The following CERT1 variants were observed in gnomAD, a reference collection of about 807,000 sequenced individuals.
CERT1 encodes ceramide transfer protein.
A neutral mutation model predicts 87.9 loss-of-function variants in CERT1; 31 were observed. The observed-to-expected ratio is 0.35, with a 90% CI of 0.27 to 0.48. The LOEUF is 0.48. CERT1 is among the 20% of genes least tolerant of loss of function. CERT1 has a pLI of 0.99. For missense variants in CERT1, 487 were observed against 758.0 expected (o/e 0.64, Z 4.20); for synonymous variants, 289 against 250.9 (o/e 1.15, Z -1.44).
rs34320476 is a variant in CERT1, at chr5:75,456,663, CAAA to C, written c.348+2399_348+2401del. The stretch of plus-strand genomic sequence containing the variant: ...GCTGGGTGACAAAGTGACCTCATCT[CAAA>C]AAAAAAAAAAAAAAAAAAAAGAAAG... On this transcript the variant is annotated intron_variant, in intron 3 of 16. Coordinates refer to ENST00000643780, the MANE Select transcript of CERT1 (RefSeq NM_001379029.1). Among the ~76,000 whole-genome samples, 209 of 69,432 alleles carry C rather than the reference CAAA, an allele frequency of 3.0e-3. No homozygotes were observed. The East Asian group carries it at 0.04, about 13-fold the overall frequency. 45.6% of individuals were successfully genotyped at this position (69,432 alleles called of 152,430 possible). A position where few individuals can be genotyped will look rare whatever the true frequency, so the allele number is the denominator to read the frequency against.
At chr5:75,402,927 G>T in intron 9 of CERT1, 45 bp downstream of exon 9, 1 of 1,136,440 alleles carries the variant, frequency 8.8e-7, no homozygotes, top group Non-Finnish European at 1.3e-6. Flanking sequence ...AATGCCTATA[G>T]TGTTAAAATA....
intron 3 of CERT1, among the ~76,000 whole-genome samples, chr5:75,431,234 G>C (rs1333484870): frequency 3.3e-5 from 5 of 152,048 alleles, no homozygotes; most frequent in Admixed American, 2.6e-4. Context: ...CTCAAGTAGG[G>C]CCCAGTGTCT....
chr5:75,409,016 T>C lies in CERT1; in HGVS notation c.930+1995A>G, dbSNP rs573056961. On this transcript the variant is annotated intron_variant, in intron 8 of 16. Transcript: ENST00000643780. Reference sequence around the variant, plus strand: ...TACATACTGCTGGTAGATGATAAACTGTACCATATATTGTTAAATTTAAAA... The same window carrying C: ...TACATACTGCTGGTAGATGATAAACCGTACCATATATTGTTAAATTTAAAA... Among the ~76,000 whole-genome samples, 137 of 152,242 alleles carry C rather than the reference T, an allele frequency of 9.0e-4. 1 individual carries two copies. Among genetic ancestry groups the C allele is most frequent in the African/African-American group, 3.0e-3 (126 of 41,566 alleles).
In CERT1 at chr5:75,507,970, C is replaced by T. The variant is rs150387039; in HGVS notation, c.97-1854G>A. On this transcript the variant is annotated intron_variant, in intron 1 of 16. Coordinates refer to ENST00000643780, the MANE Select transcript of CERT1 (RefSeq NM_001379029.1). ...AATCAAATTATCCAGTTCCTGTATTCCTTAGGAGACTTAATAATTTTTTCT... is the reference window on the plus strand; with the variant it reads ...AATCAAATTATCCAGTTCCTGTATTTCTTAGGAGACTTAATAATTTTTTCT... Among the ~76,000 whole-genome samples the T allele has an allele frequency of 5.8e-3, 883 of 152,230 alleles. 5 individuals carry two copies. The highest frequency in any genetic ancestry group is 0.011 in the Admixed American group (164 of 15,282).
At chr5:75,393,608 A>AAAAAAAAAAAAAAAAAAAAAAAAAAAC (rs1762118107) in intron 11 of CERT1, among the ~76,000 whole-genome samples, 1 of 138,462 alleles carries the variant, frequency 7.2e-6, no homozygotes, top group Non-Finnish European at 1.6e-5. Flanking sequence ...TACTTAAAAA[A>AAAAAAAAAAAAAAAAAAAAAAAAAAAC]AAAAAAAAAA....
chr5:75,468,614 A>T (rs897210783), intron 2 of CERT1, among the ~76,000 whole-genome samples: 2 of 152,162 alleles, frequency 1.3e-5, no homozygotes, highest in African/African-American at 4.8e-5. Flanking sequence ...GTTTCAGTCA[A>T]ACCTCAGTAA....
intron 8 of CERT1, among the ~76,000 whole-genome samples, chr5:75,403,295 G>A (rs1484271780): frequency 6.6e-6 from 1 of 152,140 alleles, no homozygotes; most frequent in Non-Finnish European, 1.5e-5. Flanking sequence ...TATTGTGTTG[G>A]GATAATAGTC....
chr5:75,459,692 C>T (rs375147882), intron 2 of CERT1, among the ~76,000 whole-genome samples: 2 of 151,890 alleles, frequency 1.3e-5, no homozygotes, highest in Admixed American at 6.6e-5. Context: ...TGGCTGGGCA[C>T]GGTGGCTCAT....
intron 11 of CERT1, among the ~76,000 whole-genome samples, chr5:75,398,025 A>G (rs1213150991): frequency 6.6e-6 from 1 of 151,924 alleles, no homozygotes. Flanking sequence ...TCTCGAAAAT[A>G]AATAAGTAAA....
upstream of CERT1, chr5:75,511,633 C>T: frequency 1.3e-6 from 2 of 1,486,010 alleles, no homozygotes; most frequent in Non-Finnish European, 1.8e-6. Context: ...ACTATTTACC[C>T]TCCCCTCCCC....
chr5:75,473,534 A>T (rs1561287864), intron 2 of CERT1, among the ~76,000 whole-genome samples: 1 of 152,200 alleles, frequency 6.6e-6, no homozygotes. Flanking sequence ...GATCTCATGG[A>T]AATAGAGAGT....
chr5:75,399,267 A>G, intron 11 of CERT1, 43 bp downstream of exon 11: 2 of 1,408,810 alleles, frequency 1.4e-6, no homozygotes, highest in South Asian at 1.2e-5. Context: ...GCTGAAATAT[A>G]GCACAGAAAG....
intron 11 of CERT1, among the ~76,000 whole-genome samples, chr5:75,393,837 T>C (rs536855281): frequency 6.6e-6 from 1 of 151,782 alleles, no homozygotes; most frequent in African/African-American, 2.4e-5. Context: ...TGGTGGTGCA[T>C]GCCTGTAGTC....
chr5:75,411,095 C>A lies in CERT1; in HGVS notation c.846G>T (p.Glu282Asp). 6.4e-7 allele frequency: 1 copy of A among 1,553,034 alleles called. No homozygotes were observed. The highest frequency in any genetic ancestry group is 8.7e-7 in the Non-Finnish European group (1 of 1,143,112). The part of the protein sequence containing the change: ...SWQKRLDKET[E>D]KKRRTEEAYK... ...ATGCTTCCTCTGTTCTTCTTTTCTT[C>A]TCAGTTTCCTATTAAAAAGAAGTGA... Residue 282 changes from glutamate (E) to aspartate (D), a missense_variant, in exon 8 of 17, where the codon GAG becomes GAT. Glu to Asp is a conservative substitution (Grantham distance 45). Transcript: ENST00000643780.
chr5:75,411,212 C>CA (rs916087387), intron 7 of CERT1, 109 bp from the exon 8 acceptor site: 161 of 624,814 alleles, frequency 2.6e-4, no homozygotes, highest in Admixed American at 3.6e-4. Flanking sequence ...CAATTTGACA[C>CA]AAAAAAATTC....
chr5:75,381,879 C>A, intron 15 of CERT1, 70 bp downstream of exon 15: 1 of 1,396,246 alleles, frequency 7.2e-7, no homozygotes, highest in South Asian at 1.2e-5. Flanking sequence ...CTGTGTTTAT[C>A]ATTTTTGTCC....
chr5:75,408,790 AAG>A (rs2112116927), intron 8 of CERT1, among the ~76,000 whole-genome samples: 1 of 152,326 alleles, frequency 6.6e-6, no homozygotes, highest in East Asian at 1.9e-4. Flanking sequence ...ATAAAAAAAA[AAG>A]AAACATGAAT....
intron 3 of CERT1, among the ~76,000 whole-genome samples, chr5:75,453,976 T>C (rs988849028): frequency 6.6e-6 from 1 of 152,146 alleles, no homozygotes; most frequent in Admixed American, 6.5e-5. Context: ...TGAAAATAAC[T>C]AAAACCTTCC....
chr5:75,412,354 G>T (rs1762965439), intron 7 of CERT1, among the ~76,000 whole-genome samples: 1 of 152,100 alleles, frequency 6.6e-6, no homozygotes, highest in Admixed American at 6.6e-5. Flanking sequence ...TCTGGCTACA[G>T]GAAATGTAAA....
Sources: gnomAD v4.1 joint callset for allele counts (sites outside exome capture counted in the v4.1 genomes callset) on GRCh38, gnomAD v4.1.1 for gene constraint, MANE v1.5 for transcripts, NCBI Gene and HGNC (gene_info 2026-07-23, HGNC 2026-07-21) for gene names.